The following SELENOF variants were observed in gnomAD, a reference collection of about 807,000 sequenced individuals.
The protein encoded by SELENOF is 15 kDa selenoprotein.
A neutral mutation model predicts 20.5 loss-of-function variants in SELENOF; 16 were observed. That is an observed-to-expected ratio of 0.78 (90% CI 0.53 to 1.19). The LOEUF is 1.19. Ranked by LOEUF, SELENOF falls within the 50% of genes most tolerant of loss-of-function variation. The pLI, the probability that SELENOF is intolerant of heterozygous loss-of-function variation, is 0.00. For synonymous variants in SELENOF, 78 were observed against 74.5 expected, an observed-to-expected ratio of 1.05 and a Z score of -0.24; for missense variants, 215 against 194.2, an observed-to-expected ratio of 1.11 and a Z score of -0.64.
chr1:86,911,296 G>C (rs948369491), intron 1 of SELENOF, among the ~76,000 whole-genome samples: 1 of 152,208 alleles, frequency 6.6e-6, no homozygotes, highest in African/African-American at 2.4e-5. Flanking sequence ...AGAAAGGGAG[G>C]AAAGGATGAG....
chr1:86,869,417 G>A (rs1284626465), intron 3 of SELENOF, among the ~76,000 whole-genome samples: 2 of 152,050 alleles, frequency 1.3e-5, no homozygotes, highest in African/African-American at 2.4e-5. Flanking sequence ...TAAAAAGCAA[G>A]GATTTTTCCT....
intron 2 of SELENOF, among the ~76,000 whole-genome samples, chr1:86,886,563 A>G (rs1168426231): frequency 6.6e-6 from 1 of 152,082 alleles, no homozygotes; most frequent in Non-Finnish European, 1.5e-5. Context: ...AAAAACTAAG[A>G]TATTTTAAAA....
chr1:86,877,175 ACT>A (rs1417537367), intron 3 of SELENOF, among the ~76,000 whole-genome samples: 6 of 152,126 alleles, frequency 3.9e-5, no homozygotes, highest in South Asian at 2.1e-4. Context: ...GGAATGATTT[ACT>A]CTGTTTTTGG....
intron 4 of SELENOF, among the ~76,000 whole-genome samples, chr1:86,866,030 A>G (rs961443380): frequency 6.6e-6 from 1 of 151,690 alleles, no homozygotes; most frequent in Non-Finnish European, 1.5e-5. Flanking sequence ...CCCTATCTCT[A>G]TAAAAAAATA....
chr1:86,896,260 G>C (rs1659522191), intron 2 of SELENOF, among the ~76,000 whole-genome samples: 1 of 150,244 alleles, frequency 6.7e-6, no homozygotes, highest in Non-Finnish European at 1.5e-5. Context: ...AAGAGGGGGG[G>C]AGGGGGAGGG....
chr1:86,882,658 T>C (rs1454669998), intron 2 of SELENOF, among the ~76,000 whole-genome samples: 2 of 152,186 alleles, frequency 1.3e-5, no homozygotes, highest in African/African-American at 2.4e-5. Context: ...TCTGGGTATA[T>C]ACTCAAAAGA....
intron 3 of SELENOF, among the ~76,000 whole-genome samples, chr1:86,875,658 C>T (rs1368000399): frequency 2.6e-5 from 4 of 152,100 alleles, no homozygotes; most frequent in Admixed American, 2.6e-4. Context: ...AAACAAAAAA[C>T]AGAACACAAA....
chr1:86,913,821 A>G (rs1660056314), intron 1 of SELENOF: 1 of 591,922 alleles, frequency 1.7e-6, no homozygotes, highest in East Asian at 2.8e-5. Context: ...ACAATCTGAA[A>G]TCAAGAGAAA....
Position 86,880,743 on chromosome 1 carries a change from G to C in SELENOF, c.253-18C>G. 6.6e-7 allele frequency: 1 copy of C among 1,510,658 alleles called. No individual in the cohort carries two copies. The highest frequency in any genetic ancestry group is 8.9e-7 in the Non-Finnish European group (1 of 1,123,506). The allele number at this position is 1,510,658 out of a possible 1,614,324, so 93.6% of individuals were successfully genotyped here. A position where few individuals can be genotyped will look rare whatever the true frequency, so the allele number is the denominator to read the frequency against. On this transcript the variant is annotated intron_variant, in intron 2 of 4. Coordinates refer to ENST00000331835, the MANE Select transcript of SELENOF (RefSeq NM_004261.5). ...GCATACAGCTACAAAAGGAAAAACA[G>C]GAATTTAAAAAACTGGTATAAATTA...
intron 3 of SELENOF, among the ~76,000 whole-genome samples, chr1:86,876,439 T>C (rs939860747): frequency 1.3e-5 from 2 of 152,202 alleles, no homozygotes; most frequent in Admixed American, 6.5e-5. Context: ...GTAAGAAATA[T>C]AGACTCTCAG....
chr1:86,863,685 T>C (rs1658518867), intron 4 of SELENOF, 80 bp from the exon 5 acceptor site: 1 of 1,290,120 alleles, frequency 7.8e-7, no homozygotes, highest in Admixed American at 2.8e-5. Context: ...AGCAATTCAA[T>C]CCAGTTTAAA....
chr1:86,892,155 A>T (rs902872082), intron 2 of SELENOF, among the ~76,000 whole-genome samples: 6 of 145,958 alleles, frequency 4.1e-5, no homozygotes, highest in African/African-American at 1.6e-4. Context: ...GATGGTCTCG[A>T]TCTCCTGACC....
intron 2 of SELENOF, chr1:86,887,254 T>C (rs1275117979): frequency 5.9e-6 from 9 of 1,517,774 alleles, no homozygotes; most frequent in Non-Finnish European, 8.0e-6. Context: ...AGCTGGCAAA[T>C]ATAATTCTCC....
At chr1:86,872,446 G>A (rs1005937361) in intron 3 of SELENOF, among the ~76,000 whole-genome samples, 35 of 151,890 alleles carry the variant, frequency 2.3e-4, no homozygotes, top group African/African-American at 8.2e-4. Flanking sequence ...TTGGCTCACC[G>A]CAACCTCCGC....
intron 2 of SELENOF, among the ~76,000 whole-genome samples, chr1:86,890,074 C>G (rs1659337431): frequency 6.6e-6 from 1 of 152,194 alleles, no homozygotes; most frequent in South Asian, 2.1e-4. Context: ...AGTTCAACTT[C>G]TTATGAAGGT....
intron 2 of SELENOF, among the ~76,000 whole-genome samples, chr1:86,902,943 G>T (rs1179018942): frequency 6.6e-6 from 1 of 152,120 alleles, no homozygotes; most frequent in African/African-American, 2.4e-5. Flanking sequence ...TCCAACACTG[G>T]GTTCTTACTA....
In SELENOF at chr1:86,913,716, A is replaced by G. The variant is rs1050293305; in HGVS notation, c.84+312T>C. On this transcript the variant is annotated intron_variant, in intron 1 of 4. Transcript: ENST00000331835. ...TTCTGTCCATTTAAAAACAACCTCC[A>G]CTTCTTGCCAAGCTTTATTATTCCC... 9.8e-6 allele frequency: 3 copies of G among 307,298 alleles called. No individual in the cohort carries two copies. The South Asian group carries it at 1.7e-4, about 17-fold the overall frequency. 19.0% of individuals were successfully genotyped at this position (307,298 alleles called of 1,614,324 possible).
At chr1:86,877,687 C>A (rs144184379) in intron 3 of SELENOF, among the ~76,000 whole-genome samples, 177 of 152,054 alleles carry the variant, frequency 1.2e-3, no homozygotes, top group African/African-American at 4.1e-3. Flanking sequence ...CTCCTTTTTG[C>A]GTCTGAACGT....
intron 3 of SELENOF, 80 bp downstream of exon 3, chr1:86,880,582 G>C: frequency 1.4e-6 from 1 of 707,850 alleles, no homozygotes. Flanking sequence ...TCTTATTCCT[G>C]GGAATATATA....
Sources: gnomAD v4.1 joint callset for allele counts (sites outside exome capture counted in the v4.1 genomes callset) on GRCh38, gnomAD v4.1.1 for gene constraint, MANE v1.5 for transcripts, NCBI Gene and HGNC (gene_info 2026-07-23, HGNC 2026-07-21) for gene names.